STK3: variants seen among roughly 807,000 people sequenced by gnomAD.
The protein encoded by STK3 is serine/threonine-protein kinase 3.
STK3 carries 41 observed loss-of-function variants against 58.0 expected under a neutral mutation model. The ratio of observed to expected loss-of-function variants is 0.71; its 90% CI spans 0.55 to 0.92. STK3 has a LOEUF of 0.92. Among genes scored for constraint, STK3 ranks in the 40% least tolerant of loss-of-function variants. The pLI is 0.00. For synonymous variants in STK3, 170 were observed against 191.0 expected, an observed-to-expected ratio of 0.89 and a Z score of 0.91; for missense variants, 479 against 602.7, an observed-to-expected ratio of 0.79 and a Z score of 2.15.
chr8:98,785,285 T>G lies in STK3; in HGVS notation c.27-10466A>C, dbSNP rs530721269. Among the ~76,000 whole-genome samples the G allele has an allele frequency of 9.9e-5, 15 of 152,246 alleles. No individual in the cohort carries two copies. The East Asian group carries it at 2.9e-3, about 29-fold the overall frequency. ...TCCTCCGCAGAAATCTTAGTGGTGG[T>G]GGGGTGGCAGGGGGACCCTTTCCAC... On this transcript the variant is annotated intron_variant, in intron 1 of 10. Coordinates refer to ENST00000419617, the MANE Select transcript of STK3 (RefSeq NM_006281.4).
At chr8:98,649,189 T>C (rs924377633) in intron 6 of STK3, among the ~76,000 whole-genome samples, 1 of 152,222 alleles carries the variant, frequency 6.6e-6, no homozygotes, top group Non-Finnish European at 1.5e-5. Context: ...CTGTTTTTTA[T>C]ACTGGATTGT....
chr8:98,369,002 G>A (rs975363438), downstream of STK3, among the ~76,000 whole-genome samples: 18 of 152,154 alleles, frequency 1.2e-4, no homozygotes, highest in Admixed American at 2.0e-4. Context: ...CAACTCTCTC[G>A]CTATTCCTGC....
chr8:98,741,781 T>C (rs1829233196), intron 4 of STK3, among the ~76,000 whole-genome samples: 1 of 147,834 alleles, frequency 6.8e-6, no homozygotes, highest in African/African-American at 2.4e-5. Context: ...CACAAAAGAC[T>C]AATGAATCCA....
chr8:98,808,131 A>T (rs1834000792), intron 1 of STK3, among the ~76,000 whole-genome samples: 1 of 152,266 alleles, frequency 6.6e-6, no homozygotes, highest in Non-Finnish European at 1.5e-5. Flanking sequence ...AACAATAATC[A>T]AATGAAATTA....
At chr8:98,779,838 T>C (rs4562286) in intron 1 of STK3, among the ~76,000 whole-genome samples, 102,573 of 151,852 alleles carry the variant, frequency 0.68, 35,090 homozygotes, top group South Asian at 0.76. Context: ...TTTGATATGA[T>C]AAACAATGCT....
At chr8:98,760,222 G>C (rs1786082453) in intron 3 of STK3, among the ~76,000 whole-genome samples, 1 of 152,052 alleles carries the variant, frequency 6.6e-6, no homozygotes, top group African/African-American at 2.4e-5. Context: ...GCTCACTGTA[G>C]CTTCAAACTC....
intron 1 of STK3, among the ~76,000 whole-genome samples, chr8:98,822,758 G>A (rs60991469): frequency 0.022 from 3,315 of 152,322 alleles, 118 homozygotes; most frequent in African/African-American, 0.074. Context: ...GCCAGGCACG[G>A]TGGTTCATGC....
upstream of STK3, among the ~76,000 whole-genome samples, chr8:98,827,607 A>G (rs552056267): frequency 6.6e-6 from 1 of 152,316 alleles, no homozygotes; most frequent in African/African-American, 2.4e-5. Flanking sequence ...TAGTTATTTT[A>G]AGACCATTCA....
intron 9 of STK3, among the ~76,000 whole-genome samples, chr8:98,543,778 C>A (rs1050550539): frequency 6.6e-6 from 1 of 152,090 alleles, no homozygotes; most frequent in African/African-American, 2.4e-5. Context: ...ACACAGGCCT[C>A]CAGGAAAGTT....
At chr8:98,828,630 A>G (rs1485873118), upstream of STK3, among the ~76,000 whole-genome samples, 1 of 151,732 alleles carries the variant, frequency 6.6e-6, no homozygotes, top group Non-Finnish European at 1.5e-5. Context: ...GGGAGGGAGG[A>G]AGGAAGGAAA....
At chr8:98,754,658 T>C (rs1170597663) in intron 3 of STK3, among the ~76,000 whole-genome samples, 1 of 152,042 alleles carries the variant, frequency 6.6e-6, no homozygotes, top group Non-Finnish European at 1.5e-5. Flanking sequence ...TACAGGCCTG[T>C]GTCACCACGC....
intron 6 of STK3, among the ~76,000 whole-genome samples, chr8:98,620,982 T>C (rs947116291): frequency 6.8e-6 from 1 of 146,668 alleles, no homozygotes; most frequent in African/African-American, 2.5e-5. Context: ...CAGGCTGGAG[T>C]GCAGTGGCGG....
rs149909423 is a variant in STK3 at position 98,861,492 on chromosome 8, C to T, written c.110+22155G>A. ...GCTCCTGAGTAGCTGGGACTACAGG[C>T]GCACGCCACCATGCCCGGCTAATTT... On this transcript the variant is annotated intron_variant, in intron 3 of 12. Coordinates refer to the STK3 transcript ENST00000523601. 1.7e-3 allele frequency among the ~76,000 whole-genome samples: 258 copies of T among 151,728 alleles called. 1 individual carries two copies. The highest frequency in any genetic ancestry group is 6.1e-3 in the African/African-American group (252 of 41,388).
chr8:98,895,835 T>C (rs1038688964), intron 1 of STK3, among the ~76,000 whole-genome samples: 6 of 152,338 alleles, frequency 3.9e-5, no homozygotes, highest in African/African-American at 9.6e-5. Flanking sequence ...TCAAGGCTTC[T>C]ACTTGCAGCA....
At chr8:98,790,044 A>G (rs1832712122) in intron 1 of STK3, among the ~76,000 whole-genome samples, 1 of 151,206 alleles carries the variant, frequency 6.6e-6, no homozygotes, top group African/African-American at 2.4e-5. Flanking sequence ...AAAAAAAAAA[A>G]AAAGTCCAGG....
intron 3 of STK3, among the ~76,000 whole-genome samples, chr8:98,854,914 A>G (rs935983701): frequency 6.6e-6 from 1 of 152,070 alleles, no homozygotes; most frequent in Non-Finnish European, 1.5e-5. Context: ...AAAATTAGCC[A>G]GGCGTGGTGG....
At chr8:98,380,257 C>T (rs1202933607) in intron 1 of STK3, among the ~76,000 whole-genome samples, 2 of 152,084 alleles carry the variant, frequency 1.3e-5, no homozygotes, top group Non-Finnish European at 1.5e-5. Context: ...ATGTATTGTA[C>T]ACTTATTACG....
intron 3 of STK3, among the ~76,000 whole-genome samples, chr8:98,855,630 CA>C: frequency 6.6e-6 from 1 of 152,164 alleles, no homozygotes; most frequent in East Asian, 1.9e-4. Context: ...ATAACAAAAG[CA>C]AGAGCAACAC....
At chr8:98,835,094 C>A (rs1410320770) in intron 3 of STK3, among the ~76,000 whole-genome samples, 1 of 152,172 alleles carries the variant, frequency 6.6e-6, no homozygotes, top group African/African-American at 2.4e-5. Flanking sequence ...TGCCCCTGGG[C>A]ATGGGTTGGA....
Sources: allele counts gnomAD v4.1 joint callset (sites outside exome capture counted in the v4.1 genomes callset), GRCh38; gene constraint gnomAD v4.1.1; transcripts MANE v1.5; gene names NCBI Gene and HGNC (gene_info 2026-07-23, HGNC 2026-07-21).